Variants in MGA observed in about 807,000 individuals in gnomAD.
MGA encodes the protein MAX dimerization protein MGA, also known as MAX gene-associated protein.
Under a neutral mutation model 261.1 loss-of-function variants are expected in MGA, and 40 were observed. The observed-to-expected ratio is 0.15, with a 90% CI of 0.12 to 0.20. The LOEUF (loss-of-function observed/expected upper bound fraction) is 0.20. MGA is among the 10% of genes least tolerant of loss of function. MGA has a pLI of 1.00. For synonymous variants in MGA, 1,302 were observed against 1,290.6 expected, an observed-to-expected ratio of 1.01 and a Z score of -0.19; for missense variants, 3,397 against 3,630.5, an observed-to-expected ratio of 0.94 and a Z score of 1.65.
At chr15:41,663,971 G>A (rs367656584) in intron 1 of MGA, among the ~76,000 whole-genome samples, 4 of 152,254 alleles carry the variant, frequency 2.6e-5, no homozygotes, top group African/African-American at 9.6e-5. Context: ...TGCTTATAGC[G>A]AAGTGGAATC....
chr15:41,669,073 C>T lies in MGA; in HGVS notation c.179C>T (p.Ser60Phe). The T allele has an allele frequency of 2.5e-6, 4 of 1,610,402 alleles. No homozygotes were observed. The highest frequency in any genetic ancestry group is 2.2e-5 in the East Asian group (1 of 44,748). Reference sequence around the variant, plus strand: ...AGTAGTGTGTCATCACCAGTAAAATCTAAAGGGAAGATTTGCCTTCCAGCT... The same window carrying T: ...AGTAGTGTGTCATCACCAGTAAAATTTAAAGGGAAGATTTGCCTTCCAGCT... The change falls in exon 2 of 24, where the codon TCT (serine) becomes TTT (phenylalanine). Residue 60 changes from serine to phenylalanine, a missense_variant. Ser to Phe is a radical substitution (Grantham distance 155). Around this residue, in one of 9 missense-constraint regions of MGA, gnomAD observed 81 missense variants for 84.3 expected, o/e 0.96. Coordinates refer to ENST00000219905, the MANE Select transcript of MGA (RefSeq NM_001164273.2).
Position 41,767,324 on chromosome 15 carries a change from G to T in MGA, c.*44G>T. 1.3e-6 allele frequency: 2 copies of T among 1,533,086 alleles called. No individual in the cohort carries two copies. The highest frequency in any genetic ancestry group is 1.2e-5 in the South Asian group (1 of 81,288). The allele number at this position is 1,533,086 out of a possible 1,614,324, so 95.0% of individuals were successfully genotyped here. A position where few individuals can be genotyped will look rare whatever the true frequency, so the allele number is the denominator to read the frequency against. On this transcript the variant is annotated 3_prime_UTR_variant, in exon 24 of 24. Coordinates refer to ENST00000219905, the MANE Select transcript of MGA (RefSeq NM_001164273.2). ...AGAAGCCAGGCTGTGAGGGGAAATA[G>T]ATCTCACCTCCTTTCTCTGCAGGCA...
Position 41,766,495 on chromosome 15 carries a change from G to T in MGA, c.8413G>T (p.Asp2805Tyr), listed in dbSNP as rs779061413. Reference sequence around the variant, plus strand: ...ATCAGCTATAGAGGAAGCAGCTCTTGATTCCAGTGAACTGCTGACTAACAT... The same window carrying T: ...ATCAGCTATAGAGGAAGCAGCTCTTTATTCCAGTGAACTGCTGACTAACAT... Residue 2805 changes from aspartate to tyrosine, a missense_variant, in exon 24 of 24, where the codon GAT becomes TAT. Asp to Tyr is a radical substitution (Grantham distance 160). Transcript: ENST00000219905. The T allele has an allele frequency of 6.2e-7, 1 of 1,613,990 alleles. No homozygotes were observed. Among genetic ancestry groups the T allele is most frequent in the East Asian group, 2.2e-5 (1 of 44,884 alleles).
chr15:41,766,612 C>T lies in MGA; in HGVS notation c.8530C>T (p.Leu2844=). The change falls in exon 24 of 24, where the codon CTG becomes TTG. Residue 2844 remains leucine (L), a synonymous_variant. Coordinates refer to ENST00000219905, the MANE Select transcript of MGA (RefSeq NM_001164273.2). ...ACAACTAAATGATGACTCTGTTGGC[C>T]TGGCTGAACTACCCAGCTCTATGGA... is the stretch of plus-strand genomic sequence containing the variant. 1 of 1,614,012 alleles carries T rather than the reference C, an allele frequency of 6.2e-7. No individual in the cohort carries two copies. Among genetic ancestry groups the T allele is most frequent in the Non-Finnish European group, 8.5e-7 (1 of 1,179,900 alleles).
intron 2 of MGA, among the ~76,000 whole-genome samples, chr15:41,687,002 T>C (rs2059003820): frequency 6.6e-6 from 1 of 152,170 alleles, no homozygotes; most frequent in South Asian, 2.1e-4. Flanking sequence ...TTCTGTTTTC[T>C]GTATGTGCTG....
At chr15:41,702,322 CAAAAA>C (rs10713634) in intron 5 of MGA, among the ~76,000 whole-genome samples, 1 of 127,628 alleles carries the variant, frequency 7.8e-6, no homozygotes, top group Admixed American at 7.6e-5. Flanking sequence ...GACATTGTCT[CAAAAA>C]AAAAAAAAAA....
At chr15:41,759,933 A>T (rs985999245) in intron 19 of MGA, among the ~76,000 whole-genome samples, 4 of 152,114 alleles carry the variant, frequency 2.6e-5, no homozygotes, top group Admixed American at 6.5e-5. Flanking sequence ...TTTTTACCAG[A>T]TTGAGGAGGA....
intron 8 of MGA, among the ~76,000 whole-genome samples, chr15:41,712,225 C>CATTT (rs537326078): frequency 3.4e-4 from 52 of 151,944 alleles, no homozygotes; most frequent in East Asian, 2.1e-3. Flanking sequence ...TGCCACAGCA[C>CATTT]ATTTATTTAT....
chr15:41,752,819 A>C (rs1431221061), intron 17 of MGA, among the ~76,000 whole-genome samples: 1 of 152,058 alleles, frequency 6.6e-6, no homozygotes, highest in Non-Finnish European at 1.5e-5. Context: ...TGGCCTCCCA[A>C]AAGTGCTGGG....
chr15:41,749,821 A>C lies in MGA; in HGVS notation c.6214A>C (p.Arg2072=). 4 of 1,613,998 alleles carry C rather than the reference A, an allele frequency of 2.5e-6. No homozygotes were observed. The highest frequency in any genetic ancestry group is 3.4e-6 in the Non-Finnish European group (4 of 1,179,886). ...AGATGTTAATGAAGAATATGGGGCT[A>C]GGAATCGTAAGAGTTCCAAAGAAAA... Residue 2072 remains arginine, a synonymous_variant, in exon 17 of 24, where the codon AGG becomes CGG. Transcript: ENST00000219905.
rs146330483 is a variant in MGA, at chr15:41,750,660, A to G, written c.7008+45A>G. Reference sequence around the variant, plus strand: ...TGTGACTGAAACCTAAAGGATTTAAATGATTTATTAAAGACAGAAGCTTTT... The same window carrying G: ...TGTGACTGAAACCTAAAGGATTTAAGTGATTTATTAAAGACAGAAGCTTTT... On this transcript the variant is annotated intron_variant, in intron 17 of 23. Coordinates refer to ENST00000219905, the MANE Select transcript of MGA (RefSeq NM_001164273.2). The G allele has an allele frequency of 8.0e-6, 12 of 1,505,118 alleles. No homozygotes were observed. In the East Asian group the frequency reaches 2.8e-4, roughly 36 times the overall value. 93.2% of individuals were successfully genotyped at this position (1,505,118 alleles called of 1,614,324 possible).
At chr15:41,739,452 A>AAT (rs1418844544) in intron 13 of MGA, among the ~76,000 whole-genome samples, 3 of 152,222 alleles carry the variant, frequency 2.0e-5, no homozygotes, top group African/African-American at 7.2e-5. Flanking sequence ...ATATTTTTCA[A>AAT]ATATGAAGGA....
intron 1 of MGA, among the ~76,000 whole-genome samples, chr15:41,664,753 T>A (rs1566946064): frequency 6.6e-6 from 1 of 151,034 alleles, no homozygotes; most frequent in Non-Finnish European, 1.5e-5. Context: ...GTAGAGGTAT[T>A]TTTTTTTTGC....
intron 9 of MGA, among the ~76,000 whole-genome samples, chr15:41,714,442 A>C (rs769560124): frequency 6.6e-6 from 1 of 152,190 alleles, no homozygotes; most frequent in Non-Finnish European, 1.5e-5. Context: ...CAGTGTGTAC[A>C]TGTTAAACAT....
At chr15:41,688,584 A>G (rs540695583) in intron 2 of MGA, among the ~76,000 whole-genome samples, 102 of 152,112 alleles carry the variant, frequency 6.7e-4, no homozygotes, top group African/African-American at 2.3e-3. Flanking sequence ...TGTTTTGTTC[A>G]TTTACATTTA....
In MGA at chr15:41,768,349, A is replaced by AC. The variant is rs2063901084; in HGVS notation, c.*1070dup. On this transcript the variant is annotated 3_prime_UTR_variant, in exon 24 of 24. Coordinates refer to ENST00000219905, the MANE Select transcript of MGA (RefSeq NM_001164273.2). ...ATCTGTAGAGCTTTTTCACTCATTA[A>AC]CTGTCAGGATATGAAGGACTGACAG... is the stretch of plus-strand genomic sequence containing the variant. 1 of 152,636 alleles carries AC rather than the reference A, an allele frequency of 6.6e-6. No individual in the cohort carries two copies. Among genetic ancestry groups the AC allele is most frequent in the African/African-American group, 2.4e-5 (1 of 41,450 alleles). 9.5% of individuals were successfully genotyped at this position (152,636 alleles called of 1,614,324 possible).
At chr15:41,713,538 T>C (rs1359863653) in intron 9 of MGA, 42 bp downstream of exon 9, 1 of 1,480,042 alleles carries the variant, frequency 6.8e-7, no homozygotes, top group Admixed American at 2.5e-5. Flanking sequence ...ATATCAGTTT[T>C]TGGAAAAGTA....
intron 1 of MGA, among the ~76,000 whole-genome samples, chr15:41,630,495 C>A (rs1194138280): frequency 6.6e-6 from 1 of 152,182 alleles, no homozygotes; most frequent in Non-Finnish European, 1.5e-5. Flanking sequence ...CTAAATCTTA[C>A]AATACACGAT....
In MGA at chr15:41,676,555, T is replaced by C. The variant is rs561396052; in HGVS notation, c.1064+6597T>C. ...CTGTTCCCACAATCTAGAATCCTGGTTTTTTTTCTCAACATTGTACATTCT... is the reference window on the plus strand; with the variant it reads ...CTGTTCCCACAATCTAGAATCCTGGCTTTTTTTCTCAACATTGTACATTCT... On this transcript the variant is annotated intron_variant, in intron 2 of 23. Transcript: ENST00000219905. 3.3e-5 allele frequency among the ~76,000 whole-genome samples: 5 copies of C among 152,282 alleles called. No individual in the cohort carries two copies. The East Asian group carries it at 9.6e-4, about 29-fold the overall frequency.
Sources: allele counts gnomAD v4.1 joint callset (sites outside exome capture counted in the v4.1 genomes callset), GRCh38; gene constraint gnomAD v4.1.1; regional missense constraint gnomAD v4.1.1; transcripts MANE v1.5; gene names NCBI Gene and HGNC (gene_info 2026-07-23, HGNC 2026-07-21).